TFPI: variants seen among roughly 807,000 people sequenced by gnomAD.
TFPI encodes the protein anti-convertin.
TFPI carries 15 observed loss-of-function variants against 34.6 expected under a neutral mutation model. The ratio of observed to expected loss-of-function variants is 0.43; its 90% CI spans 0.29 to 0.67. The LOEUF is 0.67. Ranked by LOEUF, TFPI falls within the 30% of genes least tolerant of loss-of-function variation. The probability of loss-of-function intolerance (pLI) is 0.15; values close to 1 mark genes in which losing one functional copy is unlikely to be tolerated. For missense variants in TFPI, 301 were observed against 364.0 expected (o/e 0.83, Z 1.41); for synonymous variants, 105 against 120.1 (o/e 0.87, Z 0.82).
chr2:187,528,553 T>G (rs1453887620), intron 1 of TFPI, among the ~76,000 whole-genome samples: 1 of 152,196 alleles, frequency 6.6e-6, no homozygotes, highest in Non-Finnish European at 1.5e-5. Flanking sequence ...TAAGTCTGTT[T>G]AGATTTGCTC....
chr2:187,526,818 T>G (rs1687704409), intron 1 of TFPI: 1 of 152,170 alleles, frequency 6.6e-6, no homozygotes, highest in South Asian at 2.1e-4. Flanking sequence ...AAATTTCATT[T>G]TAGCTGCTGA....
In TFPI at chr2:187,465,024, T is replaced by G. The variant is rs957245416; in HGVS notation, c.*1912A>C. ...TTAACATTCAGTGTACAGTGAGCATTCTTAACTAAATCAAAGTAGTCATGA... is the reference window on the plus strand; with the variant it reads ...TTAACATTCAGTGTACAGTGAGCATGCTTAACTAAATCAAAGTAGTCATGA... On this transcript the variant is annotated 3_prime_UTR_variant, in exon 8 of 8. Transcript: ENST00000233156. The G allele has an allele frequency of 6.6e-6, 1 of 152,164 alleles. No homozygotes were observed. Among genetic ancestry groups the G allele is most frequent in the African/African-American group, 2.4e-5 (1 of 41,440 alleles). The allele number at this position is 152,164 out of a possible 1,614,324, so 9.4% of individuals were successfully genotyped here. A position where few individuals can be genotyped will look rare whatever the true frequency, so the allele number is the denominator to read the frequency against.
chr2:187,503,709 A>AT lies in TFPI; in HGVS notation c.59dup (p.Asn20LysfsTer8), dbSNP rs1303468204. On this transcript the variant is annotated frameshift_variant, in exon 2 of 8. Transcript: ENST00000233156. LOFTEE classifies it high-confidence loss of function. ...CAGCATTAAGAGGGGCAGGGGCAAG[A>AT]TTAAGCAGCAGGCATACAGAAGCCC... 6.2e-7 allele frequency: 1 copy of AT among 1,613,334 alleles called. No homozygotes were observed. Among genetic ancestry groups the AT allele is most frequent in the South Asian group, 1.1e-5 (1 of 91,056 alleles).
chr2:187,528,940 G>T (rs760017374), intron 1 of TFPI, among the ~76,000 whole-genome samples: 2 of 151,938 alleles, frequency 1.3e-5, no homozygotes, highest in Non-Finnish European at 2.9e-5. Context: ...TATAAAAATG[G>T]TAAGAATTTG....
intron 1 of TFPI, among the ~76,000 whole-genome samples, chr2:187,530,048 G>A (rs1687881944): frequency 6.6e-6 from 1 of 152,174 alleles, no homozygotes; most frequent in African/African-American, 2.4e-5. Flanking sequence ...ACTGTTTTCT[G>A]TAAGTGTTCT....
intron 1 of TFPI, among the ~76,000 whole-genome samples, chr2:187,528,091 C>G (rs1687769121): frequency 6.6e-6 from 1 of 151,884 alleles, no homozygotes; most frequent in Non-Finnish European, 1.5e-5. Context: ...TTTTCTATTT[C>G]TAAATTAAAA....
intron 2 of TFPI, 148 bp downstream of exon 2, chr2:187,503,500 C>CAT (rs1491018306): frequency 2.4e-6 from 2 of 838,734 alleles, no homozygotes; most frequent in South Asian, 3.6e-5. Flanking sequence ...CACACACACA[C>CAT]ATACATTAGG....
chr2:187,478,685 G>A (rs913716359), intron 6 of TFPI: 3 of 1,612,740 alleles, frequency 1.9e-6, no homozygotes, highest in Non-Finnish European at 2.5e-6. Flanking sequence ...ATTAACATAG[G>A]CATGAAATGC....
At chr2:187,551,164 C>T (rs1243875793) in intron 1 of TFPI, among the ~76,000 whole-genome samples, 1 of 152,116 alleles carries the variant, frequency 6.6e-6, no homozygotes, top group African/African-American at 2.4e-5. Context: ...ATATTTTTTA[C>T]TCACATATTG....
intron 3 of TFPI, among the ~76,000 whole-genome samples, chr2:187,491,793 C>A (rs1033111635): frequency 6.6e-6 from 1 of 152,022 alleles, no homozygotes; most frequent in African/African-American, 2.4e-5. Flanking sequence ...GTTTTCCATA[C>A]AGGTTATACT....
intron 4 of TFPI, among the ~76,000 whole-genome samples, chr2:187,486,190 TTTAG>T (rs1295885715): frequency 6.6e-6 from 1 of 151,706 alleles, no homozygotes; most frequent in Non-Finnish European, 1.5e-5. Context: ...TTTTATGATT[TTTAG>T]TTAATTGTAA....
chr2:187,519,674 G>A (rs1160075006), intron 1 of TFPI: 2 of 151,732 alleles, frequency 1.3e-5, no homozygotes, highest in Admixed American at 6.5e-5. Context: ...CTCGAGTGGT[G>A]TGCTGAGAGA....
chr2:187,497,114 T>A, intron 2 of TFPI, 36 bp from the exon 3 acceptor site: 2 of 1,548,288 alleles, frequency 1.3e-6, no homozygotes, highest in Non-Finnish European at 1.8e-6. Context: ...ACATGTAATC[T>A]CCATCAACAC....
chr2:187,497,849 T>A, intron 2 of TFPI, among the ~76,000 whole-genome samples: 1 of 151,956 alleles, frequency 6.6e-6, no homozygotes, highest in East Asian at 1.9e-4. Flanking sequence ...AGAAGCCTAA[T>A]GTTAAGTAAA....
intron 1 of TFPI, among the ~76,000 whole-genome samples, chr2:187,553,611 G>A (rs955660075): frequency 1.6e-4 from 24 of 152,086 alleles, no homozygotes; most frequent in African/African-American, 2.4e-4. Context: ...AGACTTGATC[G>A]TAAGTATTCT....
chr2:187,499,101 G>A (rs1685678471), intron 2 of TFPI, among the ~76,000 whole-genome samples: 1 of 151,204 alleles, frequency 6.6e-6, no homozygotes, highest in African/African-American at 2.4e-5. Context: ...GGTGAACATT[G>A]ACAAGTTTAA....
intron 6 of TFPI, among the ~76,000 whole-genome samples, chr2:187,476,765 A>G (rs1281947408): frequency 6.6e-6 from 1 of 152,206 alleles, no homozygotes; most frequent in Non-Finnish European, 1.5e-5. Flanking sequence ...TTTCTACCAC[A>G]TTACTAAGCT....
At chr2:187,467,517 A>G (rs1418414352) in intron 7 of TFPI, among the ~76,000 whole-genome samples, 1 of 152,158 alleles carries the variant, frequency 6.6e-6, no homozygotes, top group African/African-American at 2.4e-5. Flanking sequence ...TTTGAACACT[A>G]AAAGAATAAC....
intron 1 of TFPI, among the ~76,000 whole-genome samples, chr2:187,537,305 AGCTGGAG>A (rs1369763243): frequency 2.6e-5 from 4 of 152,336 alleles, no homozygotes; most frequent in Non-Finnish European, 5.9e-5. Context: ...AAAAGAACAA[AGCTGGAG>A]GCATCACGCT....
Sources: allele counts gnomAD v4.1 joint callset (sites outside exome capture counted in the v4.1 genomes callset), GRCh38; gene constraint gnomAD v4.1.1; transcripts MANE v1.5; gene names NCBI Gene and HGNC (gene_info 2026-07-23, HGNC 2026-07-21).